The following UBE2L3 variants were observed in gnomAD, a reference collection of about 807,000 sequenced individuals.
The protein encoded by UBE2L3 is ubiquitin conjugating enzyme E2 L3.
UBE2L3 carries 1 observed loss-of-function variant against 17.8 expected under a neutral mutation model. That is an observed-to-expected ratio of 0.06 (90% CI 0.02 to 0.27). The LOEUF is 0.27. Ranked by LOEUF, UBE2L3 falls within the 10% of genes least tolerant of loss-of-function variation. The pLI is 1.00. For synonymous variants in UBE2L3, 44 were observed against 68.5 expected, an observed-to-expected ratio of 0.64 and a Z score of 1.76; for missense variants, 40 against 192.6, an observed-to-expected ratio of 0.21 and a Z score of 4.69.
chr22:21,604,538 T>C (rs1929045890), intron 2 of UBE2L3, among the ~76,000 whole-genome samples: 1 of 152,280 alleles, frequency 6.6e-6, no homozygotes, highest in East Asian at 1.9e-4. Flanking sequence ...TTATTTGACA[T>C]TGAAATGTTG....
In UBE2L3 at chr22:21,592,965, T is replaced by C. The variant is rs1928338503; in HGVS notation, c.123+9T>C. The C allele has an allele frequency of 1.2e-6, 2 of 1,606,568 alleles. No homozygotes were observed. Among genetic ancestry groups the C allele is most frequent in the Admixed American group, 3.3e-5 (2 of 59,984 alleles). On this transcript the variant is annotated intron_variant, in intron 2 of 3. Coordinates refer to ENST00000342192, the MANE Select transcript of UBE2L3 (RefSeq NM_003347.4). Reference sequence around the variant, plus strand: ...AAGGGCTTATTGTTCCTGTGAGTATTGAACACTTCCACTTCCTACCAGATT... The same window carrying C: ...AAGGGCTTATTGTTCCTGTGAGTATCGAACACTTCCACTTCCTACCAGATT...
chr22:21,565,218 G>A (rs1158920755), upstream of UBE2L3, among the ~76,000 whole-genome samples: 1 of 151,812 alleles, frequency 6.6e-6, no homozygotes, highest in African/African-American at 2.4e-5. Context: ...TCAGCCTCCC[G>A]AGTAGCTGGG....
intron 3 of UBE2L3, 67 bp from the exon 4 acceptor site, chr22:21,621,448 G>A (rs1005258488): frequency 5.5e-5 from 82 of 1,499,146 alleles, no homozygotes; most frequent in Non-Finnish European, 7.1e-5. Flanking sequence ...TCCCGGATTA[G>A]CTGCCTCTTG....
chr22:21,599,408 C>A (rs991318610), intron 2 of UBE2L3, among the ~76,000 whole-genome samples: 2 of 152,038 alleles, frequency 1.3e-5, no homozygotes, highest in African/African-American at 4.8e-5. Context: ...GAAAGAGTAT[C>A]CCCCTACATT....
At chr22:21,562,525 C>T (rs1437760380) in intron 1 of UBE2L3, among the ~76,000 whole-genome samples, 2 of 151,944 alleles carry the variant, frequency 1.3e-5, no homozygotes, top group African/African-American at 4.8e-5. Context: ...GCACCCGCCA[C>T]CACGCCCAGA....
At chr22:21,572,422 CAA>C (rs140497) in intron 1 of UBE2L3, among the ~76,000 whole-genome samples, 33 of 104,800 alleles carry the variant, frequency 3.1e-4, no homozygotes, top group Admixed American at 5.5e-4. Context: ...GACTCCGTCT[CAA>C]AAAAAAAAAA....
chr22:21,585,770 C>T (rs112897524), intron 1 of UBE2L3, among the ~76,000 whole-genome samples: 15 of 152,226 alleles, frequency 9.9e-5, no homozygotes, highest in African/African-American at 3.4e-4. Context: ...GGGGAAGTCA[C>T]CAGGCTGACT....
At chr22:21,565,014 A>T (rs1325819884), upstream of UBE2L3, among the ~76,000 whole-genome samples, 2 of 151,998 alleles carry the variant, frequency 1.3e-5, no homozygotes, top group African/African-American at 4.8e-5. Context: ...CTTGTCATCT[A>T]GTTTCTCCCT....
chr22:21,601,451 T>C (rs932801559), intron 2 of UBE2L3, among the ~76,000 whole-genome samples: 5 of 151,596 alleles, frequency 3.3e-5, no homozygotes, highest in African/African-American at 1.2e-4. Context: ...TAGCTGGGAT[T>C]ACAGGCGTGT....
intron 2 of UBE2L3, among the ~76,000 whole-genome samples, chr22:21,593,706 CCACAGGCT>C (rs1928382388): frequency 6.6e-6 from 1 of 152,170 alleles, no homozygotes; most frequent in African/African-American, 2.4e-5. Flanking sequence ...CACACCCAGC[CCACAGGCT>C]GCCCCCACTG....
chr22:21,621,744 A>G lies in UBE2L3; in HGVS notation c.*75A>G. The stretch of plus-strand genomic sequence containing the variant: ...GCATTCAGACACCCCGCAAAGCAGG[A>G]CTCTGTGGAAATTGACACGTGCCAC... On this transcript the variant is annotated 3_prime_UTR_variant, in exon 4 of 4. Transcript: ENST00000342192. The G allele has an allele frequency of 3.6e-6, 4 of 1,124,248 alleles. No homozygotes were observed. The highest frequency in any genetic ancestry group is 5.1e-6 in the Non-Finnish European group (4 of 789,618). The allele number at this position is 1,124,248 out of a possible 1,614,324, so 69.6% of individuals were successfully genotyped here.
chr22:21,559,483 G>A (rs1601382880), intron 1 of UBE2L3, among the ~76,000 whole-genome samples: 2 of 152,326 alleles, frequency 1.3e-5, no homozygotes, highest in Middle Eastern at 3.4e-3. Flanking sequence ...ACAATGGAAT[G>A]TAGTAACATT....
intron 2 of UBE2L3, among the ~76,000 whole-genome samples, chr22:21,600,285 C>T (rs1928783742): frequency 6.6e-6 from 1 of 152,030 alleles, no homozygotes; most frequent in South Asian, 2.1e-4. Flanking sequence ...TGTGTTCCAG[C>T]CTGGGCAACA....
chr22:21,563,010 G>A (rs541998364), upstream of UBE2L3, among the ~76,000 whole-genome samples: 32 of 146,142 alleles, frequency 2.2e-4, no homozygotes, highest in African/African-American at 7.1e-4. Flanking sequence ...TTGGGAGGCC[G>A]AAATGGGCGG....
At chr22:21,578,561 G>A (rs1218449029) in intron 1 of UBE2L3, among the ~76,000 whole-genome samples, 1 of 152,030 alleles carries the variant, frequency 6.6e-6, no homozygotes, top group Non-Finnish European at 1.5e-5. Context: ...GGGGGTGCTG[G>A]ACTCTGGAGT....
chr22:21,556,852 G>A (rs991187420), intron 1 of UBE2L3, among the ~76,000 whole-genome samples: 5 of 152,348 alleles, frequency 3.3e-5, no homozygotes, highest in South Asian at 2.1e-4. Flanking sequence ...TCAGGAGTTC[G>A]AGCCCAGCCT....
intron 2 of UBE2L3, among the ~76,000 whole-genome samples, chr22:21,600,651 G>C (rs149887059): frequency 6.6e-6 from 1 of 152,122 alleles, no homozygotes; most frequent in East Asian, 1.9e-4. Context: ...AGCCAAGATC[G>C]CGCCACTGCA....
chr22:21,607,164 T>C (rs1424862390), intron 2 of UBE2L3, among the ~76,000 whole-genome samples: 2 of 152,028 alleles, frequency 1.3e-5, no homozygotes, highest in Non-Finnish European at 2.9e-5. Flanking sequence ...CTGGAGTGCG[T>C]ACTTAGGCCA....
rs145785492 is a variant in UBE2L3 at position 21,614,311 on chromosome 22, C to T, written c.310+3268C>T. 1.7e-3 allele frequency among the ~76,000 whole-genome samples: 260 copies of T among 152,184 alleles called. 1 individual carries two copies. Among genetic ancestry groups the T allele is most frequent in the African/African-American group, 6.0e-3 (248 of 41,522 alleles). ...GGGAAGTGAAAGTGCCACCTGAGGC[C>T]GGGCACAGTGGCTCACGCCTGTAAT... On this transcript the variant is annotated intron_variant, in intron 3 of 3. Coordinates refer to ENST00000342192, the MANE Select transcript of UBE2L3 (RefSeq NM_003347.4).
Sources: gnomAD v4.1 joint callset for allele counts (sites outside exome capture counted in the v4.1 genomes callset) on GRCh38, gnomAD v4.1.1 for gene constraint, MANE v1.5 for transcripts, NCBI Gene and HGNC (gene_info 2026-07-23, HGNC 2026-07-21) for gene names.